The following ULK2 variants were observed in gnomAD, a reference collection of about 807,000 sequenced individuals.
ULK2 encodes the protein unc-51 like autophagy activating kinase 2.
Under a neutral mutation model 127.5 loss-of-function variants are expected in ULK2, and 76 were observed. That is an observed-to-expected ratio of 0.60 (90% CI 0.50 to 0.72). The LOEUF (loss-of-function observed/expected upper bound fraction) is 0.72, where lower values mean the gene tolerates loss of function less well. Among genes scored for constraint, ULK2 ranks in the 30% least tolerant of loss-of-function variants. ULK2 has a pLI of 0.00. For synonymous variants in ULK2, 452 were observed against 461.9 expected (o/e 0.98, Z 0.28); for missense variants, 1,144 against 1,295.9 (o/e 0.88, Z 1.80).
chr17:19,866,789 G>A (rs911843711), intron 1 of ULK2, among the ~76,000 whole-genome samples: 8 of 152,246 alleles, frequency 5.3e-5, no homozygotes, highest in Admixed American at 2.0e-4. Context: ...TTTCTCACCC[G>A]GAGCTCGTCT....
chr17:19,838,494 T>C lies in ULK2; in HGVS notation c.787+7A>G, dbSNP rs781564835. On this transcript the variant is annotated splice_region_variant and intron_variant, in intron 10 of 26. Coordinates refer to ENST00000395544, the MANE Select transcript of ULK2 (RefSeq NM_014683.4). ...GAAAACATGCAAAAGTTAAAACTAT[T>C]TCTTACCAAAGTCCATTCTATCTTT... 6.2e-7 allele frequency: 1 copy of C among 1,603,902 alleles called. No individual in the cohort carries two copies. Among genetic ancestry groups the C allele is most frequent in the African/African-American group, 1.3e-5 (1 of 74,362 alleles).
chr17:19,789,142 C>A (rs1218771408), intron 20 of ULK2, among the ~76,000 whole-genome samples: 1 of 152,158 alleles, frequency 6.6e-6, no homozygotes, highest in Non-Finnish European at 1.5e-5. Flanking sequence ...AGACCCAGGG[C>A]TGTGCTGGCT....
intron 14 of ULK2, among the ~76,000 whole-genome samples, chr17:19,808,112 TAA>T (rs2087553109): frequency 6.6e-6 from 1 of 151,908 alleles, no homozygotes; most frequent in African/African-American, 2.4e-5. Flanking sequence ...ATCTCAAAAA[TAA>T]AAGATACTCT....
chr17:19,857,714 C>T (rs1318963289), intron 3 of ULK2, among the ~76,000 whole-genome samples: 1 of 152,106 alleles, frequency 6.6e-6, no homozygotes, highest in African/African-American at 2.4e-5. Context: ...TTTTGAAAAA[C>T]AAAAACGGTA....
chr17:19,847,030 CATTT>C (rs908932490), intron 5 of ULK2, 120 bp from the exon 6 acceptor site: 37 of 914,346 alleles, frequency 4.0e-5, no homozygotes, highest in South Asian at 1.4e-4. Context: ...TTTGGATTCA[CATTT>C]ATTTATTTTT....
chr17:19,840,692 C>T (rs1011695035), intron 9 of ULK2, among the ~76,000 whole-genome samples: 28 of 144,962 alleles, frequency 1.9e-4, no homozygotes, highest in South Asian at 1.6e-3. Context: ...GCCTGGCCAA[C>T]ATGGTGAAAC....
chr17:19,785,299 C>G (rs1192135839), intron 21 of ULK2, among the ~76,000 whole-genome samples: 1 of 152,160 alleles, frequency 6.6e-6, no homozygotes, highest in Non-Finnish European at 1.5e-5. Flanking sequence ...GCAACCTCCA[C>G]TTCCCAGGTT....
intron 15 of ULK2, among the ~76,000 whole-genome samples, chr17:19,803,311 T>C (rs1441326556): frequency 1.3e-5 from 2 of 152,096 alleles, no homozygotes; most frequent in Admixed American, 1.3e-4. Flanking sequence ...CAAAGAAAAA[T>C]ATTAATTTTT....
intron 3 of ULK2, among the ~76,000 whole-genome samples, chr17:19,862,500 C>T (rs780778570): frequency 1.3e-5 from 2 of 151,460 alleles, no homozygotes; most frequent in Non-Finnish European, 1.5e-5. Context: ...GAGTTTCGCT[C>T]GTTACCCCAG....
chr17:19,832,795 T>C (rs1360539888), intron 10 of ULK2, among the ~76,000 whole-genome samples: 1 of 152,128 alleles, frequency 6.6e-6, no homozygotes, highest in East Asian at 1.9e-4. Flanking sequence ...AAAACAATAT[T>C]CCGCAGATTT....
chr17:19,843,098 A>T (rs758832594), intron 8 of ULK2, 23 bp downstream of exon 8: 4 of 1,544,846 alleles, frequency 2.6e-6, no homozygotes. Flanking sequence ...AAAACTGAGG[A>T]CATAAGAAAA....
intron 21 of ULK2, among the ~76,000 whole-genome samples, chr17:19,785,543 C>A (rs537252842): frequency 1.2e-3 from 163 of 141,708 alleles, no homozygotes; most frequent in Admixed American, 3.2e-3. Context: ...AAAAAAAAAA[C>A]CAAAAAAAAA....
chr17:19,853,061 A>C (rs1265695074), intron 3 of ULK2, among the ~76,000 whole-genome samples: 1 of 152,122 alleles, frequency 6.6e-6, no homozygotes, highest in African/African-American at 2.4e-5. Flanking sequence ...AGAAAAGTAA[A>C]TGACAAGCCA....
intron 10 of ULK2, 129 bp from the exon 11 acceptor site, chr17:19,826,315 T>C: frequency 2.3e-6 from 1 of 435,852 alleles, no homozygotes; most frequent in Middle Eastern, 5.1e-4. Context: ...ATAGGCTCCA[T>C]TTCCTTTAAA....
intron 10 of ULK2, among the ~76,000 whole-genome samples, chr17:19,831,040 A>AAC (rs1394509234): frequency 9.2e-5 from 14 of 151,632 alleles, no homozygotes; most frequent in Admixed American, 3.3e-4. Context: ...AAAAAAAAAA[A>AAC]AAACTACCTG....
intron 24 of ULK2, 93 bp from the exon 25 acceptor site, chr17:19,780,722 G>A (rs987003969): frequency 2.3e-6 from 3 of 1,289,610 alleles, no homozygotes; most frequent in Admixed American, 2.7e-5. Context: ...TATAGGGAAG[G>A]TGTCACTATG....
Position 19,795,653 on chromosome 17 carries a change from GTC to G in ULK2, c.2068_2069del (p.Asp690GlnfsTer119). On this transcript the variant is annotated frameshift_variant, in exon 20 of 27. Transcript: ENST00000395544. LOFTEE classifies it high-confidence loss of function. The stretch of plus-strand genomic sequence containing the variant: ...CCATTGGTCGTTCTGTATTTAAACT[GTC>G]TGTGCTGCCCTGATGTCGACATATA... ...TPICRHQGST[D>X]SLNTERPMDI... 26 of 1,614,082 alleles carry G rather than the reference GTC, an allele frequency of 1.6e-5. No homozygotes were observed. The highest frequency in any genetic ancestry group is 2.2e-5 in the Non-Finnish European group (26 of 1,179,984).
rs116874492 is a variant in ULK2 at position 19,831,260 on chromosome 17, T to C, written c.788-5074A>G. 2.4e-3 allele frequency among the ~76,000 whole-genome samples: 370 copies of C among 151,958 alleles called. 15 individuals are homozygous for C. In the East Asian group the frequency reaches 0.06, roughly 25 times the overall value. On this transcript the variant is annotated intron_variant, in intron 10 of 26. Coordinates refer to ENST00000395544, the MANE Select transcript of ULK2 (RefSeq NM_014683.4). The stretch of plus-strand genomic sequence containing the variant: ...ACAGCATAGAGGAAATCCGCCCCCA[T>C]GATTCACTCACCTCCCACCAAGCCC...
chr17:19,846,921 A>T lies in ULK2; in HGVS notation c.296-11T>A, dbSNP rs779983818. On this transcript the variant is annotated splice_polypyrimidine_tract_variant and intron_variant, in intron 5 of 26. Coordinates refer to ENST00000395544, the MANE Select transcript of ULK2 (RefSeq NM_014683.4). ...TGAGAGTCCCTTTCGCTGGTACAAA[A>T]GGAGTCACGTAAATATTTAAGCACA... The T allele has an allele frequency of 4.4e-5, 71 of 1,598,750 alleles. No homozygotes were observed. The highest frequency in any genetic ancestry group is 5.6e-5 in the Non-Finnish European group (66 of 1,172,624).
Sources: gnomAD v4.1 joint callset for allele counts (sites outside exome capture counted in the v4.1 genomes callset) on GRCh38, gnomAD v4.1.1 for gene constraint, MANE v1.5 for transcripts, NCBI Gene and HGNC (gene_info 2026-07-23, HGNC 2026-07-21) for gene names.